Variants in TMEM201 observed in about 807,000 individuals in gnomAD.
The protein encoded by TMEM201 is RP13-15M17.2.
In TMEM201, 26 loss-of-function variants were observed where a neutral mutation model predicts 63.4. The observed-to-expected ratio is 0.41, with a 90% confidence interval of 0.30 to 0.57. The LOEUF (loss-of-function observed/expected upper bound fraction) is 0.57. TMEM201 is among the 20% of genes least tolerant of loss of function. TMEM201 has a pLI of 0.29. For synonymous variants in TMEM201, 417 were observed against 421.6 expected (o/e 0.99, Z 0.14); for missense variants, 794 against 917.7 (o/e 0.87, Z 1.74).
At position 9,595,995 on chromosome 1, in the gene TMEM201, C is replaced by G; in HGVS notation, c.219C>G (p.Tyr73Ter). 3.1e-6 allele frequency: 5 copies of G among 1,612,788 alleles called. No individual in the cohort carries two copies. The highest frequency in any genetic ancestry group is 4.2e-6 in the Non-Finnish European group (5 of 1,179,994). ...NCWDCPHCEQ[Y>*]NGFQENGDYN... ...GGGACTGTCCCCACTGCGAGCAGTACAACGGCTTCCAGGAGGTGTGGGTCA... is the reference window on the plus strand; with the variant it reads ...GGGACTGTCCCCACTGCGAGCAGTAGAACGGCTTCCAGGAGGTGTGGGTCA... Residue 73 changes from tyrosine (Y) to a stop codon, truncating the protein, a stop_gained, in exon 2 of 11, where the codon TAC becomes TAG. Transcript: ENST00000340381. LOFTEE classifies it high-confidence loss of function.
At chr1:9,598,682 C>A (rs1298504047) in intron 4 of TMEM201, 57 bp downstream of exon 4, 2 of 1,558,706 alleles carry the variant, frequency 1.3e-6, no homozygotes, top group African/African-American at 1.4e-5. Flanking sequence ...TCAGGAAACC[C>A]TCCCAGGAGG....
intron 1 of TMEM201, among the ~76,000 whole-genome samples, chr1:9,593,832 G>T (rs1443311391): frequency 6.6e-6 from 1 of 152,228 alleles, no homozygotes; most frequent in African/African-American, 2.4e-5. Flanking sequence ...CGGCTCAGGG[G>T]TGGGGGGTCA....
Position 9,610,129 on chromosome 1 carries a change from G to A in TMEM201, c.1465+218G>A, listed in dbSNP as rs539446758. ...TCAGATGGTACCATGCTGCTCTGCC[G>A]TCCTCAGTGGCAGTCACGGCTGGAA... On this transcript the variant is annotated intron_variant, in intron 8 of 10. Coordinates refer to ENST00000340381, the MANE Select transcript of TMEM201 (RefSeq NM_001130924.3). This position sits in a 1 kb window ranked among gnomAD's most constrained non-coding sequence, Gnocchi z 4.9. Among the ~76,000 whole-genome samples, 149 of 152,312 alleles carry A rather than the reference G, an allele frequency of 9.8e-4. No homozygotes were observed. The highest frequency in any genetic ancestry group is 1.5e-3 in the Non-Finnish European group (99 of 68,020).
intron 1 of TMEM201, among the ~76,000 whole-genome samples, chr1:9,594,860 C>T (rs138954937): frequency 3.7e-4 from 56 of 152,380 alleles, no homozygotes; most frequent in Non-Finnish European, 6.2e-4. Context: ...CTTCCTGGGG[C>T]TCCGTCCTCC....
chr1:9,610,536 CCTCCTCCCCA>C lies in TMEM201; in HGVS notation c.1501_1510del (p.Ser501LeufsTer32). On this transcript the variant is annotated frameshift_variant, in exon 9 of 11. Transcript: ENST00000340381. LOFTEE classifies it high-confidence loss of function. This position sits in a 1 kb window ranked among gnomAD's most constrained non-coding sequence, Gnocchi z 4.9. ...TTCTCTCTTCTGTCGGGGAGCTGCCCCTCCTCCCCACTCCCTTCCCCAGCGCCTTCCGTGG... is the reference window on the plus strand; with the variant it reads ...TTCTCTCTTCTGTCGGGGAGCTGCCCCTCCCTTCCCCAGCGCCTTCCGTGG... 1 of 1,541,778 alleles carries C rather than the reference CCTCCTCCCCA, an allele frequency of 6.5e-7. No homozygotes were observed. Among genetic ancestry groups the C allele is most frequent in the Non-Finnish European group, 8.8e-7 (1 of 1,140,514 alleles).
chr1:9,613,492 C>A lies in TMEM201; in HGVS notation c.*409C>A, dbSNP rs2100534810. 1 of 236,814 alleles carries A rather than the reference C, an allele frequency of 4.2e-6. No homozygotes were observed. Among genetic ancestry groups the A allele is most frequent in the Admixed American group, 5.0e-5 (1 of 19,904 alleles). The allele number at this position is 236,814 out of a possible 1,614,324, so 14.7% of individuals were successfully genotyped here. On this transcript the variant is annotated 3_prime_UTR_variant, in exon 11 of 11. Transcript: ENST00000340381. ...CCCACGCCCACAGGCGTAGTCACAT[C>A]TTTGTACTGTACTCCCCTGTCTCAC...
At chr1:9,602,351 C>T (rs1167585695) in intron 6 of TMEM201, 79 bp downstream of exon 6, 7 of 1,548,882 alleles carry the variant, frequency 4.5e-6, no homozygotes, top group Middle Eastern at 2.3e-4. Flanking sequence ...GAAGCGGGCC[C>T]CTCTCTGTCC....
chr1:9,596,998 A>T lies in TMEM201; in HGVS notation c.374A>T (p.Asn125Ile). The change falls in exon 3 of 11, where the codon AAC (asparagine) becomes ATC (isoleucine). Residue 125 changes from asparagine to isoleucine, a missense_variant. Asn to Ile is a moderately radical substitution (Grantham distance 149). Transcript: ENST00000340381. The part of the protein sequence containing the change: ...SSQVLLCKRC[N>I]HHQTTKIKQL... ...CAAGTCCTGCTGTGCAAGAGGTGCA[A>T]CCACCACCAGACCACCAAGATCAAG... 1 of 1,612,636 alleles carries T rather than the reference A, an allele frequency of 6.2e-7. No homozygotes were observed. The highest frequency in any genetic ancestry group is 8.5e-7 in the Non-Finnish European group (1 of 1,179,458).
chr1:9,602,323 C>T lies in TMEM201; in HGVS notation c.1160+51C>T, dbSNP rs749604825. The T allele has an allele frequency of 6.3e-6, 10 of 1,592,678 alleles. No homozygotes were observed. In the South Asian group the frequency reaches 1.0e-4, roughly 16 times the overall value. Reference sequence around the variant, plus strand: ...GGGGAGGACACACGGATGCTCAGGCCCAGGCTTTGCCAGGTCCGAAGCGGG... The same window carrying T: ...GGGGAGGACACACGGATGCTCAGGCTCAGGCTTTGCCAGGTCCGAAGCGGG... On this transcript the variant is annotated intron_variant, in intron 6 of 10. Transcript: ENST00000340381.
chr1:9,594,195 C>T (rs1411689125), intron 1 of TMEM201, among the ~76,000 whole-genome samples: 2 of 152,268 alleles, frequency 1.3e-5, no homozygotes, highest in African/African-American at 4.8e-5. Context: ...CTCTCCAAGG[C>T]CATGCCTGTT....
At chr1:9,589,719 C>A (rs765361994) in intron 1 of TMEM201, among the ~76,000 whole-genome samples, 4 of 152,242 alleles carry the variant, frequency 2.6e-5, no homozygotes, top group Non-Finnish European at 4.4e-5. Context: ...CATCGGCCTC[C>A]ATCGCCAGGC....
intron 4 of TMEM201, among the ~76,000 whole-genome samples, chr1:9,600,059 C>T (rs982197457): frequency 2.0e-5 from 3 of 152,144 alleles, no homozygotes; most frequent in Admixed American, 6.5e-5. Context: ...GCTGTGCAGA[C>T]GTGTGGCAGG....
Position 9,604,501 on chromosome 1 carries a change from T to C in TMEM201, c.1160+2229T>C. The C allele has an allele frequency of 1.0e-6, 1 of 985,442 alleles. No homozygotes were observed. Among genetic ancestry groups the C allele is most frequent in the Non-Finnish European group, 1.2e-6 (1 of 829,930 alleles). The allele number at this position is 985,442 out of a possible 1,614,324, so 61.0% of individuals were successfully genotyped here. On this transcript the variant is annotated intron_variant, in intron 6 of 10. Transcript: ENST00000340381. This position sits in a 1 kb window ranked among gnomAD's most constrained non-coding sequence, Gnocchi z 4.1. ...AGCTGAGAGAGTGCAGGCACCACTG[T>C]GTTGTGGCTTGTTGACCGGGAATGT...
At position 9,613,414 on chromosome 1, in the gene TMEM201, G is replaced by A; in HGVS notation, c.*331G>A. On this transcript the variant is annotated 3_prime_UTR_variant, in exon 11 of 11. Transcript: ENST00000340381. ...CACACAGTTCAGCCCTGCCTGGCAGGGACGCCAGTACTACTGTAACTGCAG... is the reference window on the plus strand; with the variant it reads ...CACACAGTTCAGCCCTGCCTGGCAGAGACGCCAGTACTACTGTAACTGCAG... 2.7e-6 allele frequency: 1 copy of A among 377,196 alleles called. No individual in the cohort carries two copies. The highest frequency in any genetic ancestry group is 7.5e-4 in the Middle Eastern group (1 of 1,338). 23.4% of individuals were successfully genotyped at this position (377,196 alleles called of 1,614,324 possible).
chr1:9,591,433 C>T (rs150213593), intron 1 of TMEM201, among the ~76,000 whole-genome samples: 6 of 152,374 alleles, frequency 3.9e-5, no homozygotes, highest in African/African-American at 9.6e-5. Context: ...TGGGAAGCCA[C>T]CACGGTCGGC....
chr1:9,596,837 G>C, intron 2 of TMEM201, 22 bp from the exon 3 acceptor site: 1 of 1,562,228 alleles, frequency 6.4e-7, no homozygotes, highest in Non-Finnish European at 8.7e-7. Context: ...TGCCTGCCTC[G>C]AGTCCCACCT....
In TMEM201 at chr1:9,609,860, G is replaced by A. The variant is rs1372742625; in HGVS notation, c.1414G>A (p.Gly472Ser). ...TCCAGACTCCGGCTATCTGTTCAGC[G>A]GTAGCCGCCCACCATCTCAGGTGTC... ...TRADSGYLFS[G>S]SRPPSQVSRS... The change falls in exon 8 of 11, where the codon GGT becomes AGT. Residue 472 changes from glycine to serine, a missense_variant. Physicochemically the swap from Gly to Ser is moderately conservative, Grantham distance 56. Coordinates refer to ENST00000340381, the MANE Select transcript of TMEM201 (RefSeq NM_001130924.3). The A allele has an allele frequency of 1.9e-6, 3 of 1,551,412 alleles. No individual in the cohort carries two copies. Among genetic ancestry groups the A allele is most frequent in the East Asian group, 2.4e-5 (1 of 40,918 alleles).
rs996614862 is a variant in TMEM201, at chr1:9,610,756, G to A, written c.1716G>A (p.Pro572=). 5.2e-6 allele frequency: 8 copies of A among 1,548,936 alleles called. No individual in the cohort carries two copies. The highest frequency in any genetic ancestry group is 1.2e-5 in the South Asian group (1 of 84,004). The part of the protein sequence containing the change: ...PHNGSLFTME[P]PHVPRKPPLQ... ...ACGGCAGCCTCTTCACCATGGAGCC[G>A]CCCCATGTTCCCCGGAAGCCGCCCC... is the stretch of plus-strand genomic sequence containing the variant. The change falls in exon 9 of 11, where the codon CCG becomes CCA. Residue 572 remains proline (P), a synonymous_variant. Transcript: ENST00000340381. The surrounding 1 kb of genome is among the most constrained non-coding windows in gnomAD (Gnocchi z 4.9).
At chr1:9,594,640 T>TA (rs1256108700) in intron 1 of TMEM201, among the ~76,000 whole-genome samples, 1 of 152,154 alleles carries the variant, frequency 6.6e-6, no homozygotes, top group East Asian at 1.9e-4. Flanking sequence ...GCAGCAGCAG[T>TA]AGTGTCAGAA....
Sources: allele counts gnomAD v4.1 joint callset (sites outside exome capture counted in the v4.1 genomes callset), GRCh38; gene constraint gnomAD v4.1.1; non-coding constraint Gnocchi (gnomAD v3.1); transcripts MANE v1.5; gene names NCBI Gene and HGNC (gene_info 2026-07-23, HGNC 2026-07-21).